LRRC8B: variants seen among roughly 807,000 people sequenced by gnomAD.
The protein encoded by LRRC8B is volume-regulated anion channel subunit LRRC8B.
A neutral mutation model predicts 58.8 loss-of-function variants in LRRC8B; 23 were observed. The ratio of observed to expected loss-of-function variants is 0.39; its 90% CI spans 0.28 to 0.55. The LOEUF (loss-of-function observed/expected upper bound fraction) is 0.55, where lower values mean the gene tolerates loss of function less well. Ranked by LOEUF, LRRC8B falls within the 20% of genes least tolerant of loss-of-function variation. The probability of loss-of-function intolerance (pLI) is 0.62; values close to 1 mark genes in which losing one functional copy is unlikely to be tolerated. For missense variants in LRRC8B, 694 were observed against 936.0 expected (o/e 0.74, Z 3.37); for synonymous variants, 359 against 374.1 (o/e 0.96, Z 0.47).
At chr1:89,566,227 GA>G (rs1182581625) in intron 1 of LRRC8B, among the ~76,000 whole-genome samples, 1 of 152,168 alleles carries the variant, frequency 6.6e-6, no homozygotes, top group Non-Finnish European at 1.5e-5. Flanking sequence ...CAATGTAAAA[GA>G]AATATTAGTA....
At chr1:89,558,506 C>T (rs886329773) in intron 1 of LRRC8B, among the ~76,000 whole-genome samples, 2 of 152,108 alleles carry the variant, frequency 1.3e-5, no homozygotes, top group African/African-American at 2.4e-5. Flanking sequence ...ATTTCAGAGT[C>T]GTCCAGCCCA....
At chr1:89,561,829 C>G (rs1385070403) in intron 1 of LRRC8B, among the ~76,000 whole-genome samples, 1 of 151,018 alleles carries the variant, frequency 6.6e-6, no homozygotes, top group Admixed American at 6.6e-5. Flanking sequence ...TGTGATTCCT[C>G]CAGCTTTGTT....
chr1:89,573,006 T>A (rs1234955926), intron 3 of LRRC8B, among the ~76,000 whole-genome samples: 2 of 152,098 alleles, frequency 1.3e-5, no homozygotes, highest in African/African-American at 4.8e-5. Flanking sequence ...AAGTTTAGGA[T>A]AACTCAAATG....
chr1:89,528,234 T>G (rs1035489659), intron 1 of LRRC8B, among the ~76,000 whole-genome samples: 1 of 152,232 alleles, frequency 6.6e-6, no homozygotes, highest in African/African-American at 2.4e-5. Flanking sequence ...CGCTGCCAGC[T>G]GCACAGCTTC....
chr1:89,559,905 C>CCT (rs1557605512), intron 1 of LRRC8B, among the ~76,000 whole-genome samples: 1 of 152,124 alleles, frequency 6.6e-6, no homozygotes, highest in Non-Finnish European at 1.5e-5. Context: ...TCTAAGGAAA[C>CCT]CTACACCATT....
In LRRC8B at chr1:89,583,448, C is replaced by T. The variant is rs1391084115; in HGVS notation, c.798C>T (p.Val266=). 1.1e-5 allele frequency: 17 copies of T among 1,614,104 alleles called. No homozygotes were observed. The highest frequency in any genetic ancestry group is 2.2e-5 in the South Asian group (2 of 91,072). The change falls in exon 5 of 6, where the codon GTC becomes GTT. Residue 266 remains valine (V), a synonymous_variant. Coordinates refer to ENST00000330947, the MANE Select transcript of LRRC8B (RefSeq NM_001369817.2). This position sits in a 1 kb window ranked among gnomAD's most constrained non-coding sequence, Gnocchi z 5.2. The part of the protein sequence containing the change: ...RVYLKQIIVK[V]ILFVLIITYV... ...ATCTGAAACAGATAATAGTCAAAGT[C>T]ATTTTGTTTGTGCTCATCATAACTT...
intron 1 of LRRC8B, among the ~76,000 whole-genome samples, chr1:89,535,504 C>T (rs778118645): frequency 2.2e-4 from 33 of 152,194 alleles, no homozygotes; most frequent in Admixed American, 7.2e-4. Context: ...TGACAAGCAG[C>T]GAAGAGCAAG....
At chr1:89,551,894 G>A (rs964546662) in intron 1 of LRRC8B, among the ~76,000 whole-genome samples, 7 of 152,116 alleles carry the variant, frequency 4.6e-5, no homozygotes, top group African/African-American at 1.4e-4. Context: ...GCTCTCAAGT[G>A]TTTCTAGAAT....
At chr1:89,544,390 C>T (rs1174944269) in intron 1 of LRRC8B, among the ~76,000 whole-genome samples, 1 of 152,150 alleles carries the variant, frequency 6.6e-6, no homozygotes, top group Non-Finnish European at 1.5e-5. Flanking sequence ...GGAATGTTCT[C>T]TGTGTATTTC....
intron 1 of LRRC8B, among the ~76,000 whole-genome samples, chr1:89,531,713 T>C (rs557960144): frequency 6.6e-6 from 1 of 152,240 alleles, no homozygotes; most frequent in Non-Finnish European, 1.5e-5. Flanking sequence ...CAGACACAAA[T>C]CTCCCGAACA....
chr1:89,556,113 T>G (rs937112524), intron 1 of LRRC8B, among the ~76,000 whole-genome samples: 1 of 152,170 alleles, frequency 6.6e-6, no homozygotes, highest in Non-Finnish European at 1.5e-5. Flanking sequence ...GGAGAGGGAC[T>G]GGAGATTTTC....
intron 5 of LRRC8B, among the ~76,000 whole-genome samples, chr1:89,585,357 A>G (rs1228625519): frequency 6.6e-6 from 1 of 152,214 alleles, no homozygotes; most frequent in African/African-American, 2.4e-5. Context: ...AGCTTTTTCC[A>G]GGATCCATGC....
At chr1:89,553,116 G>A (rs1235992549) in intron 1 of LRRC8B, among the ~76,000 whole-genome samples, 1 of 152,114 alleles carries the variant, frequency 6.6e-6, no homozygotes, top group African/African-American at 2.4e-5. Context: ...TTTAGACTTA[G>A]TTCATGTAGT....
intron 1 of LRRC8B, among the ~76,000 whole-genome samples, chr1:89,537,880 C>A (rs1239373283): frequency 6.6e-6 from 1 of 152,226 alleles, no homozygotes; most frequent in East Asian, 1.9e-4. Context: ...CCTCACTGGT[C>A]ACCAAGTCTG....
In LRRC8B at chr1:89,584,817, C is replaced by T. The variant is rs750733488; in HGVS notation, c.2139+28C>T. ...AAGTAAATCCATTCTTTCTTTTATT[C>T]AGTATCTGCCGTACTTATAGTGCAT... On this transcript the variant is annotated intron_variant, in intron 5 of 5. Coordinates refer to ENST00000330947, the MANE Select transcript of LRRC8B (RefSeq NM_001369817.2). The T allele has an allele frequency of 2.1e-6, 3 of 1,451,326 alleles. No homozygotes were observed. In the African/African-American group the frequency reaches 4.2e-5, roughly 20 times the overall value. The allele number at this position is 1,451,326 out of a possible 1,614,324, so 89.9% of individuals were successfully genotyped here. A position where few individuals can be genotyped will look rare whatever the true frequency, so the allele number is the denominator to read the frequency against.
In LRRC8B at chr1:89,584,526, A is replaced by G. The variant is rs1383796885; in HGVS notation, c.1876A>G (p.Ile626Val). The G allele has an allele frequency of 1.2e-6, 2 of 1,614,072 alleles. No homozygotes were observed. The highest frequency in any genetic ancestry group is 2.7e-5 in the African/African-American group (2 of 74,934). ...AAATAACCTTAAAACTGTGGAAGAGATCATTAGCTTTCAGCATCTTCAGAA... is the reference window on the plus strand; with the variant it reads ...AAATAACCTTAAAACTGTGGAAGAGGTCATTAGCTTTCAGCATCTTCAGAA... ...RENNLKTVEEIISFQHLQNLS... is the reference protein window; with the variant it reads ...RENNLKTVEEVISFQHLQNLS... Residue 626 changes from isoleucine (I) to valine (V), a missense_variant, in exon 5 of 6, where the codon ATC (isoleucine) becomes GTC (valine). By Grantham distance (29) the Ile-to-Val change is conservative. This residue lies in a region of LRRC8B where 53 missense variants were observed against 112.3 expected (regional missense o/e 0.47). Transcript: ENST00000330947.
intron 5 of LRRC8B, among the ~76,000 whole-genome samples, chr1:89,587,466 A>G (rs978481706): frequency 6.6e-5 from 10 of 152,146 alleles, no homozygotes; most frequent in South Asian, 4.1e-4. Flanking sequence ...CCCGGGAGAC[A>G]GAGGTGCAGT....
At chr1:89,541,401 A>G (rs776491314) in intron 1 of LRRC8B, among the ~76,000 whole-genome samples, 1 of 152,130 alleles carries the variant, frequency 6.6e-6, no homozygotes, top group Non-Finnish European at 1.5e-5. Flanking sequence ...AGTTATTTCT[A>G]TTTTTATCAA....
intron 4 of LRRC8B, among the ~76,000 whole-genome samples, chr1:89,581,436 C>T (rs1279417906): frequency 3.3e-5 from 5 of 152,208 alleles, no homozygotes; most frequent in East Asian, 1.9e-4. Flanking sequence ...AGCAAGGGGG[C>T]ACCATGCTAC....
Sources: gnomAD v4.1 joint callset for allele counts (sites outside exome capture counted in the v4.1 genomes callset) on GRCh38, gnomAD v4.1.1 for gene constraint, gnomAD v4.1.1 regional missense constraint, Gnocchi (gnomAD v3.1) non-coding constraint, MANE v1.5 for transcripts, NCBI Gene and HGNC (gene_info 2026-07-23, HGNC 2026-07-21) for gene names.